PDE5A: variants seen among roughly 807,000 people sequenced by gnomAD.
PDE5A encodes phosphodiesterase 5A.
A neutral mutation model predicts 110.2 loss-of-function variants in PDE5A; 67 were observed. The observed-to-expected ratio is 0.61, with a 90% confidence interval of 0.50 to 0.75. The LOEUF (loss-of-function observed/expected upper bound fraction) is 0.75, where lower values mean the gene tolerates loss of function less well. PDE5A is among the 30% of genes least tolerant of loss of function. PDE5A has a pLI of 0.00. For synonymous variants in PDE5A, 328 were observed against 351.2 expected, an observed-to-expected ratio of 0.93 and a Z score of 0.74; for missense variants, 862 against 1,045.1, an observed-to-expected ratio of 0.82 and a Z score of 2.42.
At chr4:119,540,245 G>A (rs1726879973) in intron 10 of PDE5A, among the ~76,000 whole-genome samples, 1 of 151,962 alleles carries the variant, frequency 6.6e-6, no homozygotes, top group Non-Finnish European at 1.5e-5. Context: ...AAGTAATTCA[G>A]CAACCCAAAC....
chr4:119,592,952 A>G (rs1729031025), intron 3 of PDE5A, among the ~76,000 whole-genome samples: 1 of 152,146 alleles, frequency 6.6e-6, no homozygotes, highest in Non-Finnish European at 1.5e-5. Context: ...CTGTGGCCAA[A>G]CCCACTTCAA....
At chr4:119,610,755 C>T (rs1211314507) in intron 1 of PDE5A, among the ~76,000 whole-genome samples, 2 of 152,108 alleles carry the variant, frequency 1.3e-5, no homozygotes, top group Admixed American at 6.6e-5. Flanking sequence ...TTCTGTCAAC[C>T]TGACTTCCAA....
chr4:119,560,677 T>G (rs1278345420), intron 6 of PDE5A, among the ~76,000 whole-genome samples: 1 of 152,228 alleles, frequency 6.6e-6, no homozygotes, highest in East Asian at 1.9e-4. Flanking sequence ...TTATTGAAAA[T>G]TCTCAAGTTT....
chr4:119,625,679 T>C (rs1364159026), intron 1 of PDE5A, among the ~76,000 whole-genome samples: 3 of 152,032 alleles, frequency 2.0e-5, no homozygotes, highest in African/African-American at 7.2e-5. Context: ...CATTTTACAC[T>C]TACAAAGTGT....
intron 3 of PDE5A, among the ~76,000 whole-genome samples, chr4:119,585,050 C>A (rs944017427): frequency 6.6e-6 from 1 of 152,140 alleles, no homozygotes; most frequent in African/African-American, 2.4e-5. Context: ...CCGAGGTGGG[C>A]GGATCACAAG....
intron 14 of PDE5A, among the ~76,000 whole-genome samples, 170 bp downstream of exon 14, chr4:119,518,875 A>T (rs1318962899): frequency 6.6e-6 from 1 of 152,226 alleles, no homozygotes; most frequent in African/African-American, 2.4e-5. Flanking sequence ...TCAGGGCTGA[A>T]AAATTATAAA....
chr4:119,556,066 A>G (rs1474738854), intron 7 of PDE5A, among the ~76,000 whole-genome samples: 2 of 152,214 alleles, frequency 1.3e-5, no homozygotes, highest in Non-Finnish European at 2.9e-5. Context: ...GAAGACTGAA[A>G]CAGAATGAAT....
chr4:119,536,380 G>C (rs963495608), intron 11 of PDE5A, among the ~76,000 whole-genome samples: 7 of 151,996 alleles, frequency 4.6e-5, no homozygotes, highest in African/African-American at 1.4e-4. Flanking sequence ...GTGCCTGCAG[G>C]AACTTCAATA....
At position 119,608,274 on chromosome 4, in the gene PDE5A, T is replaced by C. The variant is rs114578090; in HGVS notation, c.153-977A>G. 2.3e-3 allele frequency among the ~76,000 whole-genome samples: 345 copies of C among 152,356 alleles called. 2 individuals carry two copies. The highest frequency in any genetic ancestry group is 3.6e-3 in the Non-Finnish European group (243 of 68,022). ...GCAGTCCAAGAAAACTGAAGGCATT[T>C]ATGTTTTTAATGTACCCTACTATGA... On this transcript the variant is annotated intron_variant, in intron 1 of 20. Transcript: ENST00000354960.
intron 11 of PDE5A, among the ~76,000 whole-genome samples, chr4:119,526,893 A>G (rs963969745): frequency 2.0e-5 from 3 of 152,140 alleles, no homozygotes; most frequent in African/African-American, 7.2e-5. Context: ...TGTTAAGTCA[A>G]TTCCATAGGC....
chr4:119,563,635 T>C (rs1357594064), intron 5 of PDE5A, among the ~76,000 whole-genome samples: 1 of 152,148 alleles, frequency 6.6e-6, no homozygotes, highest in Non-Finnish European at 1.5e-5. Flanking sequence ...AGTGGTATAC[T>C]GAAAGTTTTG....
intron 17 of PDE5A, among the ~76,000 whole-genome samples, chr4:119,505,373 CTG>C (rs1725516378): frequency 6.6e-6 from 1 of 151,938 alleles, no homozygotes; most frequent in Non-Finnish European, 1.5e-5. Flanking sequence ...AGATTTTCAG[CTG>C]TGTTCCACTG....
intron 9 of PDE5A, chr4:119,543,898 T>C (rs1459317671): frequency 3.9e-5 from 6 of 152,234 alleles, no homozygotes; most frequent in African/African-American, 9.6e-5. Flanking sequence ...TGTATCATGG[T>C]AAATTTTATT....
chr4:119,513,106 C>T (rs1416134060), intron 14 of PDE5A: 1 of 152,138 alleles, frequency 6.6e-6, no homozygotes, highest in South Asian at 2.1e-4. Flanking sequence ...CAGTTTCATG[C>T]ACGCTTTAAC....
At chr4:119,519,923 G>C (rs1484791028) in intron 13 of PDE5A, among the ~76,000 whole-genome samples, 1 of 152,056 alleles carries the variant, frequency 6.6e-6, no homozygotes. Flanking sequence ...CAAATCTGAA[G>C]CTCTTGGAGC....
intron 6 of PDE5A, among the ~76,000 whole-genome samples, chr4:119,561,905 T>A (rs780181732): frequency 4.6e-5 from 7 of 152,210 alleles, no homozygotes; most frequent in African/African-American, 7.2e-5. Context: ...TTTCTTAATA[T>A]AAATTAAGTA....
At chr4:119,593,083 T>G in intron 3 of PDE5A, among the ~76,000 whole-genome samples, 1 of 152,228 alleles carries the variant, frequency 6.6e-6, no homozygotes, top group Non-Finnish European at 1.5e-5. Flanking sequence ...CACTATGTGT[T>G]GCCAAGGATG....
intron 12 of PDE5A, among the ~76,000 whole-genome samples, chr4:119,521,924 T>C (rs987673566): frequency 8.5e-5 from 13 of 152,050 alleles, no homozygotes; most frequent in African/African-American, 3.1e-4. Flanking sequence ...TGGGGATTTG[T>C]AAAATAAATA....
chr4:119,628,303 G>GCAAGTACATTTTTGTGTTTGAAC (rs1730435314), intron 1 of PDE5A, among the ~76,000 whole-genome samples: 3 of 149,384 alleles, frequency 2.0e-5, no homozygotes, highest in Admixed American at 6.6e-5. Flanking sequence ...TGGGAGGTCG[G>GCAAGTACATTTTTGTGTTTGAAC]CAAGTACATT....
Sources: gnomAD v4.1 joint callset for allele counts (sites outside exome capture counted in the v4.1 genomes callset) on GRCh38, gnomAD v4.1.1 for gene constraint, MANE v1.5 for transcripts, NCBI Gene and HGNC (gene_info 2026-07-23, HGNC 2026-07-21) for gene names.